The following EXPH5 variants were observed in gnomAD, a reference collection of about 807,000 sequenced individuals.
EXPH5 encodes the protein exophilin-5.
A neutral mutation model predicts 41.1 loss-of-function variants in EXPH5; 42 were observed. The observed-to-expected ratio is 1.02, with a 90% confidence interval of 0.80 to 1.32. The LOEUF is 1.32. Among genes scored for constraint, EXPH5 ranks in the 40% most tolerant of loss-of-function variants. The pLI is 0.00. For synonymous variants in EXPH5, 798 were observed against 833.5 expected, an observed-to-expected ratio of 0.96 and a Z score of 0.73; for missense variants, 2,298 against 2,314.5, an observed-to-expected ratio of 0.99 and a Z score of 0.15.
intron 1 of EXPH5, among the ~76,000 whole-genome samples, chr11:108,569,105 A>G (rs1238178765): frequency 6.6e-6 from 1 of 152,006 alleles, no homozygotes; most frequent in Non-Finnish European, 1.5e-5. Flanking sequence ...TGGTGTCTGC[A>G]TCTCCCTGTA....
chr11:108,588,226 G>A (rs181555724), intron 1 of EXPH5, among the ~76,000 whole-genome samples: 1 of 152,300 alleles, frequency 6.6e-6, no homozygotes, highest in East Asian at 1.9e-4. Flanking sequence ...TATATAGGCA[G>A]ATGGTATCAG....
chr11:108,588,597 G>T (rs948293374), intron 1 of EXPH5, among the ~76,000 whole-genome samples: 2 of 152,202 alleles, frequency 1.3e-5, no homozygotes, highest in African/African-American at 4.8e-5. Flanking sequence ...TCAGGTTGTT[G>T]TAAGAATTAA....
At position 108,509,551 on chromosome 11, in the gene EXPH5, CTT is replaced by C. The variant is rs769722147; in HGVS notation, c.5954_5955del (p.Lys1985ArgfsTer10). 4 of 1,555,244 alleles carry C rather than the reference CTT, an allele frequency of 2.6e-6. No individual in the cohort carries two copies. Among genetic ancestry groups the C allele is most frequent in the African/African-American group, 1.4e-5 (1 of 72,508 alleles). On this transcript the variant is annotated frameshift_variant, in exon 6 of 6. Coordinates refer to ENST00000265843, the MANE Select transcript of EXPH5 (RefSeq NM_015065.3). LOFTEE classifies it high-confidence loss of function. Reference protein sequence around the residue: ...DDEYYLDENDKESEL With the variant: ...DDEYYLDENDXESEL ...TTGAAAAAGCCTCACAGTTCTGACT[CTT>C]TGTCATTTTCATCCAGGTAGTATTC...
chr11:108,563,885 G>A (rs756022427), intron 1 of EXPH5, among the ~76,000 whole-genome samples: 2 of 152,106 alleles, frequency 1.3e-5, no homozygotes, highest in Non-Finnish European at 2.9e-5. Context: ...ATCTAGGACC[G>A]TATGTTCTAA....
At chr11:108,535,120 T>C (rs1188547317) in intron 3 of EXPH5, among the ~76,000 whole-genome samples, 2 of 151,958 alleles carry the variant, frequency 1.3e-5, no homozygotes, top group African/African-American at 4.8e-5. Flanking sequence ...CTTACCAGAG[T>C]GGGAGGAAGC....
Position 108,510,403 on chromosome 11 carries a change from C to T in EXPH5, c.5104G>A (p.Glu1702Lys). ...SNSISQRHQN[E>K]FKNVSESPSK... Reference sequence around the variant, plus strand: ...GGTGATTCTGAGACGTTTTTAAACTCATTCTGATGTCGTTGTGAAATGCTG... The same window carrying T: ...GGTGATTCTGAGACGTTTTTAAACTTATTCTGATGTCGTTGTGAAATGCTG... Residue 1702 changes from glutamate to lysine, a missense_variant, in exon 6 of 6, where the codon GAG becomes AAG. Glu to Lys is a moderately conservative substitution (Grantham distance 56). Coordinates refer to ENST00000265843, the MANE Select transcript of EXPH5 (RefSeq NM_015065.3). 4 of 1,613,934 alleles carry T rather than the reference C, an allele frequency of 2.5e-6. No homozygotes were observed. The highest frequency in any genetic ancestry group is 3.4e-6 in the Non-Finnish European group (4 of 1,179,968).
At chr11:108,542,110 G>T (rs2093916227) in intron 1 of EXPH5, among the ~76,000 whole-genome samples, 1 of 152,064 alleles carries the variant, frequency 6.6e-6, no homozygotes, top group Non-Finnish European at 1.5e-5. Context: ...GAACTCCTGA[G>T]CTCAAGCGAT....
At chr11:108,516,839 A>T (rs1264428157) in intron 5 of EXPH5, among the ~76,000 whole-genome samples, 1 of 152,246 alleles carries the variant, frequency 6.6e-6, no homozygotes. Context: ...GACCTGAAGT[A>T]ATTTGTTCCC....
intron 4 of EXPH5, among the ~76,000 whole-genome samples, chr11:108,521,432 T>C (rs1482113823): frequency 6.6e-6 from 1 of 152,156 alleles, no homozygotes; most frequent in Non-Finnish European, 1.5e-5. Flanking sequence ...CAAGCCACAA[T>C]TGACTACTCA....
intron 3 of EXPH5, among the ~76,000 whole-genome samples, chr11:108,530,551 G>A (rs2093830704): frequency 6.6e-6 from 1 of 152,170 alleles, no homozygotes; most frequent in African/African-American, 2.4e-5. Context: ...GCCGGGGACT[G>A]GCAAGTAATC....
At chr11:108,592,772 C>G (rs2094130518) in intron 1 of EXPH5, among the ~76,000 whole-genome samples, 1 of 152,228 alleles carries the variant, frequency 6.6e-6, no homozygotes, top group Non-Finnish European at 1.5e-5. Flanking sequence ...CAAGAAGACC[C>G]ACCCATTCCA....
At chr11:108,536,343 G>A (rs913331972) in intron 3 of EXPH5, among the ~76,000 whole-genome samples, 12 of 150,760 alleles carry the variant, frequency 8.0e-5, no homozygotes, top group African/African-American at 1.7e-4. Context: ...GCGGCTCACC[G>A]TACCCTCCAC....
intron 1 of EXPH5, among the ~76,000 whole-genome samples, chr11:108,569,703 A>G (rs57968532): frequency 0.034 from 5,200 of 152,312 alleles, 104 homozygotes; most frequent in African/African-American, 0.052. Flanking sequence ...ACATTTGTAT[A>G]TCTCCGGTAC....
chr11:108,598,940 C>A, the EXPH5 span, among the ~76,000 whole-genome samples: 1 of 152,104 alleles, frequency 6.6e-6, no homozygotes, highest in Admixed American at 6.5e-5. Flanking sequence ...CTTGGGTAGC[C>A]ATCTCACCTC....
At chr11:108,530,643 A>G (rs1048374651) in intron 3 of EXPH5, among the ~76,000 whole-genome samples, 5 of 152,180 alleles carry the variant, frequency 3.3e-5, no homozygotes, top group Non-Finnish European at 5.9e-5. Context: ...CTCATGGTGC[A>G]TCCCCACAGT....
chr11:108,594,678 C>T (rs1212596686), upstream of EXPH5, among the ~76,000 whole-genome samples: 1 of 152,166 alleles, frequency 6.6e-6, no homozygotes, highest in Non-Finnish European at 1.5e-5. Flanking sequence ...ATTGACTTTC[C>T]TGCCCCATAG....
intron 2 of EXPH5, among the ~76,000 whole-genome samples, chr11:108,539,985 G>A (rs1014162589): frequency 1.3e-5 from 2 of 152,030 alleles, no homozygotes; most frequent in African/African-American, 2.4e-5. Flanking sequence ...GATAATATAT[G>A]GGTATCAAAA....
intron 1 of EXPH5, among the ~76,000 whole-genome samples, chr11:108,573,297 C>G (rs909909687): frequency 2.0e-5 from 3 of 152,166 alleles, no homozygotes; most frequent in African/African-American, 7.2e-5. Context: ...TACCAGGGTA[C>G]TGATTTGACC....
intron 1 of EXPH5, among the ~76,000 whole-genome samples, chr11:108,547,781 T>G (rs1197238618): frequency 6.6e-6 from 1 of 152,220 alleles, no homozygotes; most frequent in African/African-American, 2.4e-5. Context: ...AATTATACTT[T>G]GTGACTTGGC....
Sources: allele counts gnomAD v4.1 joint callset (sites outside exome capture counted in the v4.1 genomes callset), GRCh38; gene constraint gnomAD v4.1.1; transcripts MANE v1.5; gene names NCBI Gene and HGNC (gene_info 2026-07-23, HGNC 2026-07-21).